The following PRIM1 variants were observed in gnomAD, a reference collection of about 807,000 sequenced individuals.
The protein encoded by PRIM1 is DNA primase subunit 1.
PRIM1 carries 38 observed loss-of-function variants against 60.2 expected under a neutral mutation model. The ratio of observed to expected loss-of-function variants is 0.63; its 90% CI spans 0.49 to 0.83. The LOEUF (loss-of-function observed/expected upper bound fraction) is 0.83. Ranked by LOEUF, PRIM1 falls within the 40% of genes least tolerant of loss-of-function variation. PRIM1 has a pLI of 0.00. For synonymous variants in PRIM1, 158 were observed against 160.2 expected (o/e 0.99, Z 0.10); for missense variants, 388 against 506.2 (o/e 0.77, Z 2.24).
chr12:56,734,004 C>T (rs535502052), intron 12 of PRIM1, 143 bp downstream of exon 12: 8 of 577,058 alleles, frequency 1.4e-5, no homozygotes, highest in Non-Finnish European at 2.1e-5. Context: ...AATTAAGGAA[C>T]CTCAATTTCC....
At chr12:56,751,296 TCTTG>T in intron 1 of PRIM1, 101 bp from the exon 2 acceptor site, 1 of 841,214 alleles carries the variant, frequency 1.2e-6, no homozygotes. Context: ...GGTGAGGGAA[TCTTG>T]CTTGCTTCCT....
intron 5 of PRIM1, among the ~76,000 whole-genome samples, chr12:56,745,568 A>C (rs2137865942): frequency 6.6e-6 from 1 of 152,210 alleles, no homozygotes; most frequent in East Asian, 1.9e-4. Context: ...AAAATGAAAT[A>C]TCTTAAAACA....
At chr12:56,733,157 G>C (rs1329007681) in intron 12 of PRIM1, among the ~76,000 whole-genome samples, 2 of 144,690 alleles carry the variant, frequency 1.4e-5, no homozygotes, top group Non-Finnish European at 3.0e-5. Flanking sequence ...GTCCGGCCTA[G>C]GGTTTTTTTT....
chr12:56,747,685 CTG>C (rs1220395887), intron 2 of PRIM1, among the ~76,000 whole-genome samples: 8 of 152,148 alleles, frequency 5.3e-5, no homozygotes, highest in Admixed American at 5.2e-4. Flanking sequence ...GTGGAAGTTG[CTG>C]TGAGTCAAGA....
chr12:56,735,090 C>T (rs1456702233), intron 11 of PRIM1, among the ~76,000 whole-genome samples: 2 of 151,774 alleles, frequency 1.3e-5, no homozygotes, highest in Non-Finnish European at 2.9e-5. Context: ...GGATTACAGG[C>T]GTGAGCCACC....
intron 12 of PRIM1, 57 bp downstream of exon 12, chr12:56,734,090 T>C: frequency 1.6e-6 from 2 of 1,252,934 alleles, no homozygotes; most frequent in East Asian, 4.7e-5. Context: ...CAAAAATTGC[T>C]CATTTCTACT....
At chr12:56,739,119 G>A in intron 10 of PRIM1, among the ~76,000 whole-genome samples, 175 bp downstream of exon 10, 1 of 152,176 alleles carries the variant, frequency 6.6e-6, no homozygotes, top group East Asian at 1.9e-4. Flanking sequence ...AACAGCAGGT[G>A]AAAATCTTGT....
chr12:56,739,991 G>T (rs778277300), intron 9 of PRIM1, among the ~76,000 whole-genome samples: 8 of 152,152 alleles, frequency 5.3e-5, no homozygotes, highest in Middle Eastern at 6.8e-3. Context: ...ACAAAAATTA[G>T]CTGGGTGTGG....
At chr12:56,745,438 A>C (rs913788403) in intron 5 of PRIM1, among the ~76,000 whole-genome samples, 5 of 151,924 alleles carry the variant, frequency 3.3e-5, no homozygotes, top group Non-Finnish European at 7.4e-5. Context: ...AACAAAAAAA[A>C]CCAAAAAAAC....
intron 11 of PRIM1, among the ~76,000 whole-genome samples, chr12:56,737,032 C>A (rs554643733): frequency 6.6e-6 from 1 of 152,068 alleles, no homozygotes; most frequent in East Asian, 1.9e-4. Flanking sequence ...CTTGCCTCGG[C>A]CTCCCAAAGT....
intron 12 of PRIM1, among the ~76,000 whole-genome samples, chr12:56,733,630 C>G (rs1372636920): frequency 6.7e-6 from 1 of 149,322 alleles, no homozygotes; most frequent in Non-Finnish European, 1.5e-5. Flanking sequence ...TGCTCTGTTG[C>G]CCAGGCTGGA....
At chr12:56,739,214 C>A in intron 10 of PRIM1, 80 bp downstream of exon 10, 1 of 1,138,148 alleles carries the variant, frequency 8.8e-7, no homozygotes, top group Admixed American at 2.7e-5. Context: ...GCAACTACTT[C>A]TCTAAGGAGG....
intron 4 of PRIM1, 143 bp downstream of exon 4, chr12:56,746,626 TCACACACACACA>T (rs71446569): frequency 5.1e-4 from 328 of 640,630 alleles, no homozygotes; most frequent in Middle Eastern, 2.0e-3. Flanking sequence ...GTGAGACTCG[TCACACACACACA>T]CACACACACA....
intron 9 of PRIM1, among the ~76,000 whole-genome samples, chr12:56,739,644 C>T (rs1185003455): frequency 1.3e-5 from 2 of 152,126 alleles, no homozygotes; most frequent in Admixed American, 6.6e-5. Flanking sequence ...AGTGATCCTC[C>T]CACCTCAGTT....
chr12:56,747,167 G>A (rs949035395), intron 2 of PRIM1, 135 bp from the exon 3 acceptor site: 1 of 672,904 alleles, frequency 1.5e-6, no homozygotes, highest in East Asian at 2.7e-5. Flanking sequence ...GACAGTGAAA[G>A]TTCATTATTT....
At chr12:56,745,612 A>G (rs1255266458) in intron 5 of PRIM1, among the ~76,000 whole-genome samples, 2 of 152,164 alleles carry the variant, frequency 1.3e-5, no homozygotes, top group Non-Finnish European at 2.9e-5. Flanking sequence ...ATCTATTGGT[A>G]AGATCATTTA....
intron 12 of PRIM1, among the ~76,000 whole-genome samples, chr12:56,733,567 CT>C (rs199534065): frequency 0.015 from 2,119 of 145,106 alleles, 51 homozygotes; most frequent in African/African-American, 0.05. Flanking sequence ...GCATTTTGTA[CT>C]TTTTTTTTTG....
Position 56,751,148 on chromosome 12 carries a change from C to T in PRIM1, c.151G>A (p.Asp51Asn), listed in dbSNP as rs1443113460. Reference sequence around the variant, plus strand: ...GATTGGTAGCGAATGTAAATATCATCTTTCAATGTGAATGAAAATTCACGG... The same window carrying T: ...GATTGGTAGCGAATGTAAATATCATTTTTCAATGTGAATGAAAATTCACGG... ...QHREFSFTLK[D>N]DIYIRYQSFN... The change falls in exon 2 of 13, where the codon GAT (aspartate) becomes AAT (asparagine). Residue 51 changes from aspartate (D) to asparagine (N), a missense_variant. Asp to Asn is a conservative substitution (Grantham distance 23, BLOSUM62 1). Coordinates refer to ENST00000338193, the MANE Select transcript of PRIM1 (RefSeq NM_000946.3). 2 of 1,569,358 alleles carry T rather than the reference C, an allele frequency of 1.3e-6. No homozygotes were observed. Among genetic ancestry groups the T allele is most frequent in the East Asian group, 2.3e-5 (1 of 43,628 alleles).
intron 11 of PRIM1, among the ~76,000 whole-genome samples, chr12:56,734,729 A>C (rs892929884): frequency 1.6e-4 from 24 of 149,236 alleles, no homozygotes; most frequent in African/African-American, 5.9e-4. Flanking sequence ...TTTTGCATGT[A>C]ATAAAAATTG....
Sources: gnomAD v4.1 joint callset for allele counts (sites outside exome capture counted in the v4.1 genomes callset) on GRCh38, gnomAD v4.1.1 for gene constraint, MANE v1.5 for transcripts, NCBI Gene and HGNC (gene_info 2026-07-23, HGNC 2026-07-21) for gene names.